The following FAM234B variants were observed in gnomAD, a reference collection of about 807,000 sequenced individuals.
The protein encoded by FAM234B is protein FAM234B.
FAM234B carries 33 observed loss-of-function variants against 69.3 expected under a neutral mutation model. The ratio of observed to expected loss-of-function variants is 0.48; its 90% CI spans 0.36 to 0.64. The LOEUF (loss-of-function observed/expected upper bound fraction) is 0.64. Among genes scored for constraint, FAM234B ranks in the 30% least tolerant of loss-of-function variants. The pLI is 0.00. For synonymous variants in FAM234B, 306 were observed against 306.9 expected (o/e 1.00, Z 0.03); for missense variants, 697 against 769.7 (o/e 0.91, Z 1.12).
At chr12:13,069,327 A>AT (rs921491808) in intron 9 of FAM234B, among the ~76,000 whole-genome samples, 4 of 151,704 alleles carry the variant, frequency 2.6e-5, no homozygotes, top group Admixed American at 6.6e-5. Flanking sequence ...CAGAGTTACA[A>AT]TTTTTTTTTA....
chr12:13,063,507 G>A (rs1218614431), intron 5 of FAM234B, among the ~76,000 whole-genome samples: 1 of 152,156 alleles, frequency 6.6e-6, no homozygotes, highest in Non-Finnish European at 1.5e-5. Context: ...AAAAATCTAA[G>A]TCAAGCAATA....
At chr12:13,062,612 A>AC (rs1269707532) in intron 4 of FAM234B, 8 of 396,828 alleles carry the variant, frequency 2.0e-5, no homozygotes, top group Non-Finnish European at 2.3e-5. Flanking sequence ...TATCTAAAAA[A>AC]ATCTAGGTGA....
At chr12:13,049,462 G>A (rs972770575) in intron 1 of FAM234B, among the ~76,000 whole-genome samples, 4 of 152,238 alleles carry the variant, frequency 2.6e-5, no homozygotes, top group Admixed American at 6.5e-5. Context: ...TTACAGGCGT[G>A]AGCCAGCACC....
chr12:13,051,463 G>A (rs532674812), intron 1 of FAM234B, among the ~76,000 whole-genome samples: 139 of 152,258 alleles, frequency 9.1e-4, no homozygotes, highest in Non-Finnish European at 1.3e-3. Flanking sequence ...ACAATTATAG[G>A]GTGGCTTAAG....
intron 1 of FAM234B, among the ~76,000 whole-genome samples, chr12:13,050,020 C>A (rs1197784793): frequency 6.6e-6 from 1 of 152,178 alleles, no homozygotes; most frequent in Non-Finnish European, 1.5e-5. Flanking sequence ...TGGCTCCCCA[C>A]CAGCACTCTT....
intron 2 of FAM234B, among the ~76,000 whole-genome samples, chr12:13,057,317 A>T (rs1864940750): frequency 6.6e-6 from 1 of 152,082 alleles, no homozygotes; most frequent in African/African-American, 2.4e-5. Flanking sequence ...TTTTGAAAAC[A>T]ATTTATTGAG....
chr12:13,071,832 C>T (rs150599519), intron 10 of FAM234B, among the ~76,000 whole-genome samples: 365 of 152,136 alleles, frequency 2.4e-3, no homozygotes, highest in African/African-American at 8.6e-3. Context: ...GGAGGGTGGC[C>T]AGCAGTTGGA....
At chr12:13,077,987 T>A (rs1251723297) in intron 11 of FAM234B, among the ~76,000 whole-genome samples, 2 of 151,090 alleles carry the variant, frequency 1.3e-5, no homozygotes, top group Non-Finnish European at 3.0e-5. Context: ...GGTATCTCAT[T>A]GTGGTTTTGA....
At chr12:13,064,760 T>C (rs1329865717) in intron 5 of FAM234B, among the ~76,000 whole-genome samples, 1 of 152,090 alleles carries the variant, frequency 6.6e-6, no homozygotes, top group Non-Finnish European at 1.5e-5. Flanking sequence ...TCTTTTGACC[T>C]CTCTGCCAGC....
chr12:13,068,540 TG>T (rs775560858), intron 8 of FAM234B, 89 bp from the exon 9 acceptor site: 6 of 1,584,818 alleles, frequency 3.8e-6, no homozygotes, highest in Non-Finnish European at 5.2e-6. Context: ...TTCTTATATC[TG>T]GGGCCAGTGC....
chr12:13,071,177 A>C (rs1865101447), intron 9 of FAM234B, 64 bp from the exon 10 acceptor site: 2 of 1,573,050 alleles, frequency 1.3e-6, no homozygotes, highest in South Asian at 1.1e-5. Context: ...TTGTGTGTGC[A>C]TTTTCTGGGC....
chr12:13,076,278 T>C, intron 11 of FAM234B, 135 bp downstream of exon 11: 1 of 706,014 alleles, frequency 1.4e-6, no homozygotes, highest in South Asian at 1.7e-5. Context: ...CTTTCCCTGG[T>C]GTCCCTGGTG....
chr12:13,076,289 C>G, intron 11 of FAM234B, 146 bp downstream of exon 11: 1 of 684,766 alleles, frequency 1.5e-6, no homozygotes, highest in Non-Finnish European at 2.6e-6. Context: ...GTCCCTGGTG[C>G]CTCTTTGCTG....
rs745677392 is a variant in FAM234B, at chr12:13,071,311, C to T, written c.1439C>T (p.Thr480Met). ...CGTGCTCCGTGTCACATGAAAGAAACGCCAGCCACCTCAGCAGTTACTTCA... is the reference window on the plus strand; with the variant it reads ...CGTGCTCCGTGTCACATGAAAGAAATGCCAGCCACCTCAGCAGTTACTTCA... The part of the protein sequence containing the change: ...SYRAPCHMKE[T>M]PATSAVTSDQ... Residue 480 changes from threonine (T) to methionine (M), a missense_variant, in exon 10 of 13, where the codon ACG becomes ATG. Thr to Met is a moderately conservative substitution (Grantham distance 81). Around this residue, in one of 3 missense-constraint regions of FAM234B, gnomAD observed 313 missense variants for 305.5 expected, o/e 1.02. Transcript: ENST00000197268. The T allele has an allele frequency of 5.6e-5, 90 of 1,614,028 alleles. No homozygotes were observed. The South Asian group carries it at 7.1e-4, about 13-fold the overall frequency.
At chr12:13,079,535 G>C (rs1051932690) in intron 11 of FAM234B, among the ~76,000 whole-genome samples, 2 of 152,210 alleles carry the variant, frequency 1.3e-5, no homozygotes, top group Admixed American at 1.3e-4. Flanking sequence ...CTCAGTTCCT[G>C]AGTTGGGCTT....
At chr12:13,068,596 C>A in intron 8 of FAM234B, 34 bp from the exon 9 acceptor site, 2 of 1,590,190 alleles carry the variant, frequency 1.3e-6, no homozygotes, top group South Asian at 2.2e-5. Flanking sequence ...TTTTCTTGTT[C>A]ACTATTGATT....
chr12:13,079,786 CA>C lies in FAM234B; in HGVS notation c.1643-2del. 5 of 1,603,040 alleles carry C rather than the reference CA, an allele frequency of 3.1e-6. No individual in the cohort carries two copies. Among genetic ancestry groups the C allele is most frequent in the Non-Finnish European group, 4.3e-6 (5 of 1,170,632 alleles). On this transcript the variant is annotated splice_acceptor_variant, in intron 11 of 12. Coordinates refer to ENST00000197268, the MANE Select transcript of FAM234B (RefSeq NM_020853.2). LOFTEE classifies it high-confidence loss of function. ...AACTGCTCTTGTTTTTGTCCTTCCTCAGTTGGAATTAACGACCTCTGGAAAG... is the reference window on the plus strand; with the variant it reads ...AACTGCTCTTGTTTTTGTCCTTCCTCGTTGGAATTAACGACCTCTGGAAAG...
At chr12:13,045,220 CT>C (rs55882440) in intron 1 of FAM234B, among the ~76,000 whole-genome samples, 34,204 of 139,986 alleles carry the variant, frequency 0.24, 4,692 homozygotes, top group East Asian at 0.53. Flanking sequence ...GTTTTTTTTC[CT>C]TTTTTTTTTT....
Position 13,066,521 on chromosome 12 carries a change from C to G in FAM234B, c.853-119C>G, listed in dbSNP as rs1342215922. On this transcript the variant is annotated intron_variant, in intron 5 of 12. Transcript: ENST00000197268. ...GCAGGTTTGGCTTTGTGCTTTCCAA[C>G]TTGGGGGAGTGTTTCTGAGCCCGTG... The G allele has an allele frequency of 7.0e-6, 8 of 1,140,456 alleles. No individual in the cohort carries two copies. In the Admixed American group the frequency reaches 1.6e-4, roughly 23 times the overall value. The allele number at this position is 1,140,456 out of a possible 1,614,324, so 70.6% of individuals were successfully genotyped here.
Sources: gnomAD v4.1 joint callset for allele counts (sites outside exome capture counted in the v4.1 genomes callset) on GRCh38, gnomAD v4.1.1 for gene constraint, gnomAD v4.1.1 regional missense constraint, MANE v1.5 for transcripts, NCBI Gene and HGNC (gene_info 2026-07-23, HGNC 2026-07-21) for gene names.